The following C10orf88 variants were observed in gnomAD, a reference collection of about 807,000 sequenced individuals.
C10orf88 encodes chromosome 10 open reading frame 88, also known as ATPase PAAT.
In C10orf88, 29 loss-of-function variants were observed where a neutral mutation model predicts 34.2. That is an observed-to-expected ratio of 0.85 (90% CI 0.63 to 1.16). C10orf88 has a LOEUF of 1.16. Ranked by LOEUF, C10orf88 falls within the 50% of genes most tolerant of loss-of-function variation. C10orf88 has a pLI of 0.00. For synonymous variants in C10orf88, 194 were observed against 197.4 expected, an observed-to-expected ratio of 0.98 and a Z score of 0.15; for missense variants, 507 against 533.2, an observed-to-expected ratio of 0.95 and a Z score of 0.48.
chr10:122,945,763 C>T (rs1848633526), intron 4 of C10orf88, among the ~76,000 whole-genome samples: 1 of 152,020 alleles, frequency 6.6e-6, no homozygotes, highest in South Asian at 2.1e-4. Context: ...ACAAAAGAGT[C>T]AAAAAGTTTT....
intron 5 of C10orf88, among the ~76,000 whole-genome samples, chr10:122,933,786 A>G (rs1367660352): frequency 6.6e-6 from 1 of 152,202 alleles, no homozygotes; most frequent in Non-Finnish European, 1.5e-5. Flanking sequence ...TTCACTATAC[A>G]TGCTATAATT....
chr10:122,943,880 T>C (rs1430526992), intron 4 of C10orf88, among the ~76,000 whole-genome samples: 2 of 152,178 alleles, frequency 1.3e-5, no homozygotes, highest in Non-Finnish European at 2.9e-5. Flanking sequence ...AAACAGCAGG[T>C]GCTGGAGAGA....
At chr10:122,953,927 C>A in intron 1 of C10orf88, 88 bp downstream of exon 1, 1 of 1,342,622 alleles carries the variant, frequency 7.4e-7, no homozygotes, top group Admixed American at 3.5e-5. Context: ...GGATCCCGGG[C>A]TCAGACCCTC....
Position 122,954,058 on chromosome 10 carries a change from CG to C in C10orf88, c.120del (p.Gly41ValfsTer19). Reference protein sequence around the residue: ...SLLLTRAGLGPGDFDWEELLA... With the variant: ...SLLLTRAGLGXGDFDWEELLA... ...AGCAGCTCCTCCCAGTCGAAGTCAC[CG>C]GGGCCGAGACCGGCCCGGGTGAGGA... On this transcript the variant is annotated frameshift_variant, in exon 1 of 6. Transcript: ENST00000481909. LOFTEE classifies it high-confidence loss of function. The C allele has an allele frequency of 3.2e-6, 5 of 1,544,240 alleles. No individual in the cohort carries two copies. Among genetic ancestry groups the C allele is most frequent in the Non-Finnish European group, 4.4e-6 (5 of 1,148,094 alleles).
Position 122,948,830 on chromosome 10 carries a change from C to T in C10orf88, c.467G>A (p.Cys156Tyr), listed in dbSNP as rs1317846493. ...IKLLSFGERQ[C>Y]VFISKVVVHM... ...TACCACAACTTTACTGATGAACACA[C>T]ACTGCCTTTCGCCAAAGGAGAGCAA... The change falls in exon 4 of 6, where the codon TGT becomes TAT. Residue 156 changes from cysteine (C) to tyrosine (Y), a missense_variant. By Grantham distance (194) the Cys-to-Tyr change is radical. Transcript: ENST00000481909. 1 of 1,612,712 alleles carries T rather than the reference C, an allele frequency of 6.2e-7. No individual in the cohort carries two copies. Among genetic ancestry groups the T allele is most frequent in the Non-Finnish European group, 8.5e-7 (1 of 1,179,820 alleles).
rs1848481422 is a variant in C10orf88 at position 122,931,029 on chromosome 10, T to C, written c.*1398A>G. On this transcript the variant is annotated 3_prime_UTR_variant, in exon 6 of 6. Coordinates refer to ENST00000481909, the MANE Select transcript of C10orf88 (RefSeq NM_024942.4). ...AAATATAATTTTTCTAATAAAGGTG[T>C]TTCACATTCAAGCAAAGGGAGGAAT... The C allele has an allele frequency of 6.6e-6, 1 of 152,106 alleles. No individual in the cohort carries two copies. The highest frequency in any genetic ancestry group is 1.5e-5 in the Non-Finnish European group (1 of 68,020). The allele number at this position is 152,106 out of a possible 1,614,324, so 9.4% of individuals were successfully genotyped here.
chr10:122,945,809 T>C (rs1848634096), intron 4 of C10orf88, among the ~76,000 whole-genome samples: 2 of 152,144 alleles, frequency 1.3e-5, no homozygotes, highest in Admixed American at 6.5e-5. Flanking sequence ...AAAGTTACGA[T>C]AGGCTGGGCA....
rs1004774366 is a variant in C10orf88, at chr10:122,952,963, C to A, written c.234G>T (p.Arg78Ser). 2 of 1,614,042 alleles carry A rather than the reference C, an allele frequency of 1.2e-6. No individual in the cohort carries two copies. Among genetic ancestry groups the A allele is most frequent in the Non-Finnish European group, 1.7e-6 (2 of 1,180,042 alleles). ...TTTCTTCACCTCCATCAGGGCCACA[C>A]CTCAGGTAAAGGAAGCAGGGGTTTT... ...KDENPCFLYL[R>S]CGPDGGEEIA... The change falls in exon 2 of 6, where the codon AGG becomes AGT. Residue 78 changes from arginine to serine, a missense_variant. Physicochemically the swap from Arg to Ser is moderately radical, Grantham distance 110. Coordinates refer to ENST00000481909, the MANE Select transcript of C10orf88 (RefSeq NM_024942.4).
Position 122,937,963 on chromosome 10 carries a change from A to C in C10orf88, c.845T>G (p.Leu282Arg). 3 of 1,613,442 alleles carry C rather than the reference A, an allele frequency of 1.9e-6. No homozygotes were observed. The highest frequency in any genetic ancestry group is 2.5e-6 in the Non-Finnish European group (3 of 1,179,560). ...LQTYIDKSTQ[L>R]PGGENSTKLD... ...CTTGGTAGAATTCTCTCCACCAGGC[A>C]GTTGTGTACTTTTATCAATGTAAGT... The change falls in exon 5 of 6, where the codon CTG becomes CGG. Residue 282 changes from leucine to arginine, a missense_variant. Coordinates refer to ENST00000481909, the MANE Select transcript of C10orf88 (RefSeq NM_024942.4).
At chr10:122,941,394 G>A (rs1448494533) in intron 4 of C10orf88, among the ~76,000 whole-genome samples, 1 of 152,130 alleles carries the variant, frequency 6.6e-6, no homozygotes, top group Non-Finnish European at 1.5e-5. Context: ...TTGGCGTGTT[G>A]AACTTTAATC....
intron 4 of C10orf88, among the ~76,000 whole-genome samples, chr10:122,941,171 A>G (rs1480441675): frequency 6.6e-6 from 1 of 152,108 alleles, no homozygotes; most frequent in African/African-American, 2.4e-5. Flanking sequence ...TTTCTTTGAG[A>G]AAATGGGTCA....
chr10:122,953,223 A>G lies in C10orf88; in HGVS notation c.165-191T>C, dbSNP rs890458861. Among the ~76,000 whole-genome samples the G allele has an allele frequency of 3.9e-5, 6 of 152,014 alleles. 1 individual carries two copies. Among genetic ancestry groups the G allele is most frequent in the Admixed American group, 2.6e-4 (4 of 15,274 alleles). The stretch of plus-strand genomic sequence containing the variant: ...CTCCCAAGCAGCTGGGACTACAGGC[A>G]CCCGCCACCGCGCCCGGCTAATTTT... On this transcript the variant is annotated intron_variant, in intron 1 of 5. Transcript: ENST00000481909.
intron 5 of C10orf88, 60 bp downstream of exon 5, chr10:122,937,640 GTTTCC>G (rs1848545117): frequency 4.3e-6 from 6 of 1,382,110 alleles, no homozygotes; most frequent in East Asian, 2.3e-5. Flanking sequence ...AGACAAATCT[GTTTCC>G]TTTCATCTGA....
At position 122,931,455 on chromosome 10, in the gene C10orf88, T is replaced by C. The variant is rs1013741869; in HGVS notation, c.*972A>G. ...ACCCTTTTTCTAAAAAATAAGACAT[T>C]TGAAGTAAAGATTAGTTGAAATAAA... is the stretch of plus-strand genomic sequence containing the variant. On this transcript the variant is annotated 3_prime_UTR_variant, in exon 6 of 6. Coordinates refer to ENST00000481909, the MANE Select transcript of C10orf88 (RefSeq NM_024942.4). The C allele has an allele frequency of 3.9e-5, 6 of 152,068 alleles. No homozygotes were observed. Among genetic ancestry groups the C allele is most frequent in the African/African-American group, 1.4e-4 (6 of 41,392 alleles). The allele number at this position is 152,068 out of a possible 1,614,324, so 9.4% of individuals were successfully genotyped here.
intron 3 of C10orf88, among the ~76,000 whole-genome samples, chr10:122,950,049 G>A (rs1848676658): frequency 6.6e-6 from 1 of 152,138 alleles, no homozygotes; most frequent in African/African-American, 2.4e-5. Context: ...TTTCTGAAAC[G>A]AGACATTTCA....
intron 5 of C10orf88, among the ~76,000 whole-genome samples, chr10:122,934,365 T>C (rs1406981011): frequency 1.3e-5 from 2 of 152,204 alleles, no homozygotes; most frequent in African/African-American, 2.4e-5. Flanking sequence ...CTTTCCCTAA[T>C]ACCTGGTAAC....
intron 5 of C10orf88, among the ~76,000 whole-genome samples, chr10:122,934,642 T>G (rs1848517484): frequency 2.0e-5 from 3 of 152,194 alleles, no homozygotes; most frequent in African/African-American, 7.2e-5. Context: ...CAAGTTTCTG[T>G]GTGGACCTGA....
Position 122,951,930 on chromosome 10 carries a change from ATTAGTTTACAACTGACAAC to A in C10orf88, c.441+5_441+23del. On this transcript the variant is annotated splice_donor_5th_base_variant and intron_variant, in intron 3 of 5. Coordinates refer to ENST00000481909, the MANE Select transcript of C10orf88 (RefSeq NM_024942.4). ...AGTACAAAAACAACTTAGTTGTCAA[ATTAGTTTACAACTGACAAC>A]TTACCTTTATTTTACAAGCATGTGT... 7.0e-7 allele frequency: 1 copy of A among 1,437,802 alleles called. No homozygotes were observed. The highest frequency in any genetic ancestry group is 9.7e-7 in the Non-Finnish European group (1 of 1,032,556). 89.1% of individuals were successfully genotyped at this position (1,437,802 alleles called of 1,614,324 possible).
chr10:122,937,703 A>G lies in C10orf88; in HGVS notation c.1103+2T>C. 6.3e-7 allele frequency: 1 copy of G among 1,591,790 alleles called. No individual in the cohort carries two copies. The highest frequency in any genetic ancestry group is 8.6e-7 in the Non-Finnish European group (1 of 1,168,430). On this transcript the variant is annotated splice_donor_variant, in intron 5 of 5. Transcript: ENST00000481909. LOFTEE classifies it high-confidence loss of function. ...ACTCGTATGTCTTAAAATAATACTT[A>G]CCCAACACCAAGAATGCGTTCACCA...
Sources: gnomAD v4.1 joint callset for allele counts (sites outside exome capture counted in the v4.1 genomes callset) on GRCh38, gnomAD v4.1.1 for gene constraint, MANE v1.5 for transcripts, NCBI Gene and HGNC (gene_info 2026-07-23, HGNC 2026-07-21) for gene names.